Variants in ITGB5 observed in about 807,000 individuals in gnomAD.
The protein encoded by ITGB5 is integrin beta-5.
ITGB5 carries 38 observed loss-of-function variants against 84.8 expected under a neutral mutation model. The observed-to-expected ratio is 0.45, with a 90% CI of 0.35 to 0.59. The LOEUF (loss-of-function observed/expected upper bound fraction) is 0.59. Ranked by LOEUF, ITGB5 falls within the 20% of genes least tolerant of loss-of-function variation. The pLI, the probability that ITGB5 is intolerant of heterozygous loss-of-function variation, is 0.01. For synonymous variants in ITGB5, 393 were observed against 414.4 expected, an observed-to-expected ratio of 0.95 and a Z score of 0.63; for missense variants, 905 against 1,034.5, an observed-to-expected ratio of 0.87 and a Z score of 1.72.
At chr3:124,878,710 C>T (rs1192991075) in intron 1 of ITGB5, 2 of 152,204 alleles carry the variant, frequency 1.3e-5, no homozygotes, top group Non-Finnish European at 2.9e-5. Flanking sequence ...ATGTCAGACT[C>T]ACTCCCTTTG....
intron 2 of ITGB5, among the ~76,000 whole-genome samples, chr3:124,870,671 A>C (rs2169971): frequency 0.16 from 23,616 of 150,428 alleles, 1,926 homozygotes; most frequent in South Asian, 0.22. Context: ...GGTGGCAGTG[A>C]GCCGACATCA....
intron 8 of ITGB5, chr3:124,809,375 T>C: frequency 1.9e-6 from 1 of 539,168 alleles, no homozygotes; most frequent in Non-Finnish European, 3.3e-6. Flanking sequence ...TCTCCCTCTG[T>C]GAGTTTGGAG....
intron 2 of ITGB5, among the ~76,000 whole-genome samples, chr3:124,868,750 A>C (rs1433051992): frequency 6.6e-6 from 1 of 151,810 alleles, no homozygotes; most frequent in Non-Finnish European, 1.5e-5. Context: ...GCAGTGAGCT[A>C]TGATCACACC....
chr3:124,771,830 G>A (rs1327860322), intron 11 of ITGB5, among the ~76,000 whole-genome samples: 2 of 150,158 alleles, frequency 1.3e-5, no homozygotes, highest in African/African-American at 4.9e-5. Context: ...ATTGTGTAAT[G>A]AATAATAAAT....
intron 1 of ITGB5, among the ~76,000 whole-genome samples, chr3:124,880,572 C>T (rs150559287): frequency 2.2e-3 from 329 of 152,206 alleles, no homozygotes; most frequent in African/African-American, 7.6e-3. Context: ...CATGATCACG[C>T]TAATGCACTC....
At chr3:124,887,650 T>G (rs1413451592), upstream of ITGB5, 5 of 447,730 alleles carry the variant, frequency 1.1e-5, no homozygotes, top group Non-Finnish European at 2.3e-5. Flanking sequence ...TCCCGTTGCT[T>G]AGCCGCCCGT....
chr3:124,856,745 T>TATTA (rs1265048531), intron 3 of ITGB5, among the ~76,000 whole-genome samples: 1 of 152,224 alleles, frequency 6.6e-6, no homozygotes, highest in African/African-American at 2.4e-5. Flanking sequence ...TGTTCCAACA[T>TATTA]ATTAAGGGTC....
chr3:124,780,856 G>A (rs1310143402), intron 10 of ITGB5, among the ~76,000 whole-genome samples: 1 of 152,152 alleles, frequency 6.6e-6, no homozygotes, highest in Admixed American at 6.5e-5. Context: ...TAGAGGGAGT[G>A]TGGCTGGAAG....
intron 9 of ITGB5, among the ~76,000 whole-genome samples, chr3:124,808,017 A>AAGTG (rs2107535367): frequency 6.8e-6 from 1 of 147,144 alleles, no homozygotes; most frequent in Non-Finnish European, 1.5e-5. Context: ...GGTGAGGGAC[A>AAGTG]AGTGTGAAGG....
chr3:124,828,766 C>G (rs184739963), intron 5 of ITGB5, among the ~76,000 whole-genome samples: 1 of 152,134 alleles, frequency 6.6e-6, no homozygotes, highest in Non-Finnish European at 1.5e-5. Flanking sequence ...TACACGCATG[C>G]GCCACCACAC....
At chr3:124,766,096 C>T (rs565991120) in intron 13 of ITGB5, 130 bp downstream of exon 13, 66 of 853,710 alleles carry the variant, frequency 7.7e-5, no homozygotes, top group Non-Finnish European at 1.1e-4. Context: ...GAAATTGTAT[C>T]CCTCCTCTCC....
chr3:124,763,375 C>T lies in ITGB5; in HGVS notation c.*248G>A, dbSNP rs2674. 38,904 of 334,012 alleles carry T rather than the reference C, an allele frequency of 0.12. 2,556 individuals are homozygous for T. The highest frequency in any genetic ancestry group is 0.14 in the Non-Finnish European group (25,189 of 180,090). 20.7% of individuals were successfully genotyped at this position (334,012 alleles called of 1,614,324 possible). A position where few individuals can be genotyped will look rare whatever the true frequency, so the allele number is the denominator to read the frequency against. On this transcript the variant is annotated 3_prime_UTR_variant, in exon 15 of 15. Coordinates refer to ENST00000296181, the MANE Select transcript of ITGB5 (RefSeq NM_002213.5). ...TGGATGTGGCAGGGAAAGCTGAGAG[C>T]GCCAAGGTCCCCTTGCTTTATCCCA...
chr3:124,881,839 A>G (rs1160035777), intron 1 of ITGB5, among the ~76,000 whole-genome samples: 1 of 152,114 alleles, frequency 6.6e-6, no homozygotes. Context: ...GCGGTGGTGT[A>G]CGCCTGTAAT....
intron 1 of ITGB5, among the ~76,000 whole-genome samples, chr3:124,895,133 G>A (rs1935077397): frequency 6.6e-6 from 1 of 152,196 alleles, no homozygotes. Flanking sequence ...TCCAAGCAAG[G>A]ACAGAGATAC....
intron 4 of ITGB5, among the ~76,000 whole-genome samples, chr3:124,847,126 A>C (rs1291372271): frequency 1.3e-5 from 2 of 152,248 alleles, no homozygotes; most frequent in African/African-American, 4.8e-5. Flanking sequence ...GATAATCCAC[A>C]GAAAATATTT....
intron 7 of ITGB5, among the ~76,000 whole-genome samples, chr3:124,818,646 T>G (rs1559950853): frequency 6.6e-6 from 1 of 151,498 alleles, no homozygotes; most frequent in Non-Finnish European, 1.5e-5. Flanking sequence ...CCCCGGTAGC[T>G]GGGATTGTAG....
At chr3:124,850,543 T>C (rs1390964699) in intron 3 of ITGB5, among the ~76,000 whole-genome samples, 1 of 93,660 alleles carries the variant, frequency 1.1e-5, no homozygotes, top group Non-Finnish European at 1.9e-5. Flanking sequence ...TTTAAAACCA[T>C]GGGGTGGGGG....
intron 6 of ITGB5, among the ~76,000 whole-genome samples, chr3:124,820,136 A>C (rs1256769755): frequency 6.6e-6 from 1 of 152,124 alleles, no homozygotes; most frequent in East Asian, 1.9e-4. Context: ...CCATCCTTTC[A>C]GCAGGGAGGG....
chr3:124,840,662 C>CT (rs533782703), intron 5 of ITGB5, among the ~76,000 whole-genome samples: 62,103 of 145,474 alleles, frequency 0.43, 13,069 homozygotes, highest in East Asian at 0.67. Flanking sequence ...CTTTTTCTTT[C>CT]TTTTTTTTTT....
Sources: gnomAD v4.1 joint callset for allele counts (sites outside exome capture counted in the v4.1 genomes callset) on GRCh38, gnomAD v4.1.1 for gene constraint, MANE v1.5 for transcripts, NCBI Gene and HGNC (gene_info 2026-07-23, HGNC 2026-07-21) for gene names.